Variants in TCP11L2 observed in about 807,000 individuals in gnomAD.
TCP11L2 encodes T-complex protein 11-like protein 2.
TCP11L2 carries 39 observed loss-of-function variants against 50.7 expected under a neutral mutation model. The ratio of observed to expected loss-of-function variants is 0.77; its 90% CI spans 0.60 to 1.01. The LOEUF is 1.01. Ranked by LOEUF, TCP11L2 falls within the 50% of genes least tolerant of loss-of-function variation. The probability of loss-of-function intolerance (pLI) is 0.00; values close to 1 mark genes in which losing one functional copy is unlikely to be tolerated. For synonymous variants in TCP11L2, 192 were observed against 219.3 expected, an observed-to-expected ratio of 0.88 and a Z score of 1.10; for missense variants, 612 against 614.7, an observed-to-expected ratio of 1.00 and a Z score of 0.05.
chr12:106,306,089 G>C (rs973952812), intron 1 of TCP11L2, among the ~76,000 whole-genome samples: 1 of 152,194 alleles, frequency 6.6e-6, no homozygotes, highest in Non-Finnish European at 1.5e-5. Flanking sequence ...GGACAAGTTT[G>C]ACTGTCTAGA....
chr12:106,314,576 T>TGTGTGA lies in TCP11L2; in HGVS notation c.293+84_293+85insTGTGAG, dbSNP rs1469308055. On this transcript the variant is annotated intron_variant, in intron 3 of 9. Transcript: ENST00000299045. ...GTGTGTGTGTGTGTGTGTGTGTGTG[T>TGTGTGA]GAGAGAGAGAGAGAGAGAGAGAGAG... 3.2e-5 allele frequency: 9 copies of TGTGTGA among 282,708 alleles called. No individual in the cohort carries two copies. The East Asian group carries it at 3.9e-4, about 12-fold the overall frequency. The allele number at this position is 282,708 out of a possible 1,614,324, so 17.5% of individuals were successfully genotyped here.
At position 106,340,840 on chromosome 12, in the gene TCP11L2, A is replaced by G. The variant is rs529713960; in HGVS notation, c.1157A>G (p.Lys386Arg). The G allele has an allele frequency of 1.7e-4, 275 of 1,596,372 alleles. 1 individual carries two copies. In the South Asian group the frequency reaches 2.6e-3, roughly 15 times the overall value. Residue 386 changes from lysine to arginine, a missense_variant, in exon 9 of 10, where the codon AAG (lysine) becomes AGG (arginine). Transcript: ENST00000299045. ...EGMNKETFNL[K>R]EVLNSIGIQT... ...ATGTTTCATAGGACCTTTAACTTGA[A>G]GGAAGTCCTGAATTCTATTGGTATT...
At chr12:106,306,424 A>G (rs1168320875) in intron 1 of TCP11L2, among the ~76,000 whole-genome samples, 1 of 152,216 alleles carries the variant, frequency 6.6e-6, no homozygotes, top group African/African-American at 2.4e-5. Context: ...ATTCCTAAAT[A>G]CAAAACCACA....
At chr12:106,304,735 A>G (rs951450896) in intron 1 of TCP11L2, among the ~76,000 whole-genome samples, 60 of 152,200 alleles carry the variant, frequency 3.9e-4, no homozygotes, top group African/African-American at 1.4e-3. Flanking sequence ...CAATTCCTCA[A>G]GGCCCTGCTG....
rs1383822891 is a variant in TCP11L2, at chr12:106,314,568, TGTGTGTGTGAGA to T, written c.293+77_293+88del. ...GTGTGTGTGTGTGTGTGTGTGTGTG[TGTGTGTGTGAGA>T]GAGAGAGAGAGAGAGAGAGAGACAG... On this transcript the variant is annotated intron_variant, in intron 3 of 9. Transcript: ENST00000299045. The T allele has an allele frequency of 2.8e-5, 28 of 1,005,172 alleles. No homozygotes were observed. In the African/African-American group the frequency reaches 3.9e-4, roughly 14 times the overall value. 62.3% of individuals were successfully genotyped at this position (1,005,172 alleles called of 1,614,324 possible). A position where few individuals can be genotyped will look rare whatever the true frequency, so the allele number is the denominator to read the frequency against.
At chr12:106,311,686 A>G (rs2136635628) in intron 2 of TCP11L2, among the ~76,000 whole-genome samples, 1 of 152,330 alleles carries the variant, frequency 6.6e-6, no homozygotes, top group East Asian at 1.9e-4. Context: ...ATATTGTGCA[A>G]ATCACCCCAG....
upstream of TCP11L2, among the ~76,000 whole-genome samples, chr12:106,300,272 T>C (rs1249843580): frequency 2.6e-5 from 4 of 152,102 alleles, no homozygotes; most frequent in Non-Finnish European, 4.4e-5. Context: ...GATACAAGGC[T>C]CATTTTTGAG....
At chr12:106,333,511 C>G (rs2035810987) in intron 6 of TCP11L2, among the ~76,000 whole-genome samples, 1 of 152,024 alleles carries the variant, frequency 6.6e-6, no homozygotes, top group Non-Finnish European at 1.5e-5. Context: ...AGAGAACTTT[C>G]TTGGGTAATG....
chr12:106,339,132 G>A (rs1308219278), intron 8 of TCP11L2, among the ~76,000 whole-genome samples: 1 of 152,122 alleles, frequency 6.6e-6, no homozygotes, highest in Non-Finnish European at 1.5e-5. Context: ...GTGACGGAGT[G>A]AGACTCCGTC....
chr12:106,332,395 A>G (rs906525803), intron 6 of TCP11L2, among the ~76,000 whole-genome samples: 5 of 152,328 alleles, frequency 3.3e-5, no homozygotes, highest in Non-Finnish European at 5.9e-5. Context: ...AAACTGAAAC[A>G]ACCAAAATGG....
upstream of TCP11L2, among the ~76,000 whole-genome samples, chr12:106,301,630 C>T (rs1454174662): frequency 6.6e-6 from 1 of 152,220 alleles, no homozygotes; most frequent in East Asian, 1.9e-4. Context: ...ATAATTTCGG[C>T]ACTAAACAGA....
At position 106,321,717 on chromosome 12, in the gene TCP11L2, T is replaced by C. The variant is rs2035345720; in HGVS notation, c.635+11T>C. ...CGTGGAGGTGCTGAGGTTAGCACTT[T>C]TGCTGTTTGCATTTCCTAGAGTATC... On this transcript the variant is annotated intron_variant, in intron 5 of 9. Coordinates refer to ENST00000299045, the MANE Select transcript of TCP11L2 (RefSeq NM_152772.3). 4 of 1,611,212 alleles carry C rather than the reference T, an allele frequency of 2.5e-6. No homozygotes were observed. Among genetic ancestry groups the C allele is most frequent in the Non-Finnish European group, 2.5e-6 (3 of 1,177,794 alleles).
intron 9 of TCP11L2, among the ~76,000 whole-genome samples, chr12:106,342,512 A>G (rs1210586240): frequency 6.6e-6 from 1 of 152,168 alleles, no homozygotes; most frequent in African/African-American, 2.4e-5. Flanking sequence ...AGGAAGAGGG[A>G]TAGAGTAGGG....
rs111618736 is a variant in TCP11L2 at position 106,333,976 on chromosome 12, G to A, written c.773-1663G>A. On this transcript the variant is annotated intron_variant, in intron 6 of 9. Transcript: ENST00000299045. ...TTTAGGAGCCTTATGGGGTATGGGC[G>A]GAAATAGAAACCACAGGAATGAGTA... Among the ~76,000 whole-genome samples the A allele has an allele frequency of 6.5e-3, 989 of 152,248 alleles. 4 individuals are homozygous for A. The highest frequency in any genetic ancestry group is 0.011 in the Admixed American group (164 of 15,290).
At chr12:106,318,904 T>A (rs566134876) in intron 4 of TCP11L2, among the ~76,000 whole-genome samples, 46 of 147,970 alleles carry the variant, frequency 3.1e-4, no homozygotes, top group African/African-American at 1.0e-3. Context: ...TTATTTTTTT[T>A]TTTTTTTTTA....
rs2036067330 is a variant in TCP11L2 at position 106,340,689 on chromosome 12, T to G, written c.1143-137T>G. 11 of 596,932 alleles carry G rather than the reference T, an allele frequency of 1.8e-5. 1 individual carries two copies. In the East Asian group the frequency reaches 2.9e-4, roughly 16 times the overall value. 37.0% of individuals were successfully genotyped at this position (596,932 alleles called of 1,614,324 possible). On this transcript the variant is annotated intron_variant, in intron 8 of 9. Transcript: ENST00000299045. Reference sequence around the variant, plus strand: ...GTGGTTGGGAGGAGTTACTATTTTATGAGTTCATTCTAATAGAGGTTATTA... The same window carrying G: ...GTGGTTGGGAGGAGTTACTATTTTAGGAGTTCATTCTAATAGAGGTTATTA...
intron 5 of TCP11L2, among the ~76,000 whole-genome samples, chr12:106,322,730 G>A (rs2035384313): frequency 6.6e-6 from 1 of 152,178 alleles, no homozygotes; most frequent in Non-Finnish European, 1.5e-5. Flanking sequence ...CATGTAGTGG[G>A]TAATTTACTT....
At chr12:106,314,217 C>G (rs1300360853) in intron 2 of TCP11L2, 141 bp from the exon 3 acceptor site, 1 of 721,252 alleles carries the variant, frequency 1.4e-6, no homozygotes, top group East Asian at 2.7e-5. Flanking sequence ...GGGAATTCAC[C>G]TATTTTAATA....
upstream of TCP11L2, among the ~76,000 whole-genome samples, chr12:106,301,722 T>C (rs1385376940): frequency 6.6e-6 from 1 of 152,248 alleles, no homozygotes; most frequent in Non-Finnish European, 1.5e-5. Context: ...GATTTACACC[T>C]GGCAGAAGGC....
Sources: gnomAD v4.1 joint callset for allele counts (sites outside exome capture counted in the v4.1 genomes callset) on GRCh38, gnomAD v4.1.1 for gene constraint, MANE v1.5 for transcripts, NCBI Gene and HGNC (gene_info 2026-07-23, HGNC 2026-07-21) for gene names.